Variants in SMCHD1 observed in about 807,000 individuals in gnomAD.
SMCHD1 encodes the protein structural maintenance of chromosomes flexible hinge domain-containing protein 1.
SMCHD1 carries 78 observed loss-of-function variants against 254.7 expected under a neutral mutation model. The observed-to-expected ratio is 0.31, with a 90% CI of 0.26 to 0.37. The LOEUF is 0.37. Among genes scored for constraint, SMCHD1 ranks in the 10% least tolerant of loss-of-function variants. The probability of loss-of-function intolerance (pLI) is 1.00; values close to 1 mark genes in which losing one functional copy is unlikely to be tolerated. For missense variants in SMCHD1, 1,840 were observed against 2,408.1 expected (o/e 0.76, Z 4.94); for synonymous variants, 766 against 794.9 (o/e 0.96, Z 0.61).
chr18:2,696,355 C>T (rs1457415977), intron 8 of SMCHD1, among the ~76,000 whole-genome samples: 1 of 152,228 alleles, frequency 6.6e-6, no homozygotes, highest in East Asian at 1.9e-4. Flanking sequence ...GCATTACCAC[C>T]TGGCTCCGCC....
intron 44 of SMCHD1, among the ~76,000 whole-genome samples, chr18:2,778,729 T>G (rs553751794): frequency 6.6e-6 from 1 of 152,266 alleles, no homozygotes; most frequent in Admixed American, 6.5e-5. Context: ...CTCCCTGCCT[T>G]GGAGATGAGG....
chr18:2,736,666 A>G (rs1418026133), intron 25 of SMCHD1, among the ~76,000 whole-genome samples: 6 of 147,032 alleles, frequency 4.1e-5, no homozygotes, highest in African/African-American at 7.4e-5. Context: ...TCATAATCAT[A>G]ATCATGGAGA....
intron 26 of SMCHD1, 73 bp downstream of exon 26, chr18:2,738,618 G>GT: frequency 8.0e-7 from 1 of 1,254,154 alleles, no homozygotes; most frequent in South Asian, 1.8e-5. Flanking sequence ...TATGAAAGTT[G>GT]TTTTTAATGT....
chr18:2,708,867 CATATATATATATATATAT>C (rs763226355), intron 17 of SMCHD1, among the ~76,000 whole-genome samples: 3 of 8,298 alleles, frequency 3.6e-4, no homozygotes, highest in East Asian at 0.012. Flanking sequence ...TCAATAACTT[CATATATATATATATATAT>C]ATATATATAT....
intron 12 of SMCHD1, among the ~76,000 whole-genome samples, chr18:2,701,746 G>C (rs1276161820): frequency 6.6e-6 from 1 of 152,094 alleles, no homozygotes; most frequent in East Asian, 1.9e-4. Context: ...TAGTATACTA[G>C]TGTACTTGTA....
At chr18:2,662,048 A>G (rs935621417) in intron 1 of SMCHD1, among the ~76,000 whole-genome samples, 8 of 141,806 alleles carry the variant, frequency 5.6e-5, no homozygotes, top group African/African-American at 2.4e-4. Context: ...AGTCCCAGCT[A>G]CTCGGGAGGC....
In SMCHD1 at chr18:2,675,728, G is replaced by C. The variant is rs984641086; in HGVS notation, c.638+1583G>C. 5.3e-5 allele frequency among the ~76,000 whole-genome samples: 8 copies of C among 152,294 alleles called. No individual in the cohort carries two copies. The South Asian group carries it at 1.7e-3, about 32-fold the overall frequency. ...GGTGGAAGGGAAGGTAGAACAGATG[G>C]TAGATTAGGCAAAATGGTCAGAAAA... On this transcript the variant is annotated intron_variant, in intron 5 of 47. Coordinates refer to ENST00000320876, the MANE Select transcript of SMCHD1 (RefSeq NM_015295.3).
In SMCHD1 at chr18:2,794,793, T is replaced by A. The variant is rs145127011; in HGVS notation, c.5720-1156T>A. 2.0e-3 allele frequency among the ~76,000 whole-genome samples: 311 copies of A among 152,344 alleles called. 1 individual carries two copies. The highest frequency in any genetic ancestry group is 7.0e-3 in the African/African-American group (289 of 41,578). On this transcript the variant is annotated intron_variant, in intron 45 of 47. Transcript: ENST00000320876. ...CCCAAACCTACAGATTAAACATTGT[T>A]AATAATTTATTGTATCACCTTCCAG...
At chr18:2,747,752 C>A in intron 30 of SMCHD1, 105 bp downstream of exon 30, 1 of 991,874 alleles carries the variant, frequency 1.0e-6, no homozygotes, top group African/African-American at 1.6e-5. Context: ...ATATATTTTA[C>A]ATAATCTTTA....
At chr18:2,683,322 T>C (rs1013791226) in intron 5 of SMCHD1, among the ~76,000 whole-genome samples, 3 of 152,210 alleles carry the variant, frequency 2.0e-5, no homozygotes, top group African/African-American at 7.2e-5. Flanking sequence ...TTTGTTACAC[T>C]GTATTTTCTG....
At chr18:2,734,265 T>A (rs931857582) in intron 25 of SMCHD1, among the ~76,000 whole-genome samples, 3 of 152,176 alleles carry the variant, frequency 2.0e-5, no homozygotes, top group Non-Finnish European at 4.4e-5. Context: ...GCCAGGGATG[T>A]GGCTTCTGAA....
Position 2,767,763 on chromosome 18 carries a change from G to GT in SMCHD1, c.4720-1925dup, listed in dbSNP as rs558475459. Among the ~76,000 whole-genome samples the GT allele has an allele frequency of 5.0e-3, 749 of 151,076 alleles. 4 individuals carry two copies. Among genetic ancestry groups the GT allele is most frequent in the Non-Finnish European group, 8.2e-3 (555 of 67,650 alleles). On this transcript the variant is annotated intron_variant, in intron 37 of 47. Transcript: ENST00000320876. The stretch of plus-strand genomic sequence containing the variant: ...TGCCCACCACACCCAGCTGATTTTT[G>GT]TTTTTTCAGTAGAGACAGGGTTTCA...
intron 28 of SMCHD1, among the ~76,000 whole-genome samples, chr18:2,741,382 C>A (rs1431907377): frequency 6.6e-6 from 1 of 152,064 alleles, no homozygotes; most frequent in Non-Finnish European, 1.5e-5. Flanking sequence ...CAGTAGTAGT[C>A]CACAGTGGGT....
chr18:2,724,806 A>G lies in SMCHD1; in HGVS notation c.2604-93A>G, dbSNP rs554767214. ...TTAAAAAATATTTTATTAGAAAACT[A>G]GACATGCCAATGTCACATAGGAAAG... On this transcript the variant is annotated intron_variant, in intron 20 of 47. Transcript: ENST00000320876. 4 of 489,914 alleles carry G rather than the reference A, an allele frequency of 8.2e-6. No individual in the cohort carries two copies. In the East Asian group the frequency reaches 1.3e-4, roughly 16 times the overall value. 30.3% of individuals were successfully genotyped at this position (489,914 alleles called of 1,614,324 possible).
chr18:2,655,912 G>T lies in SMCHD1; in HGVS notation c.-164G>T. The T allele has an allele frequency of 2.3e-6, 1 of 427,308 alleles. No homozygotes were observed. Among genetic ancestry groups the T allele is most frequent in the Non-Finnish European group, 3.9e-6 (1 of 258,878 alleles). 26.5% of individuals were successfully genotyped at this position (427,308 alleles called of 1,614,324 possible). A position where few individuals can be genotyped will look rare whatever the true frequency, so the allele number is the denominator to read the frequency against. On this transcript the variant is annotated 5_prime_UTR_variant, in exon 1 of 48. Transcript: ENST00000320876. ...GAATCGGTTCCCGGGTGATCCTCGC[G>T]CCTGCCGCTGCTCGGCCGCCGCCGC...
Position 2,722,665 on chromosome 18 carries a change from T to C in SMCHD1, c.2603+2T>C. The C allele has an allele frequency of 6.2e-7, 1 of 1,606,598 alleles. No homozygotes were observed. The highest frequency in any genetic ancestry group is 8.5e-7 in the Non-Finnish European group (1 of 1,177,482). ...TATTCAGCCAGTTCTTGAAGCAAGGTAATTTGAAGGATCAATATGTATTTG... is the reference window on the plus strand; with the variant it reads ...TATTCAGCCAGTTCTTGAAGCAAGGCAATTTGAAGGATCAATATGTATTTG... On this transcript the variant is annotated splice_donor_variant, in intron 20 of 47. Coordinates refer to ENST00000320876, the MANE Select transcript of SMCHD1 (RefSeq NM_015295.3). LOFTEE classifies it high-confidence loss of function.
intron 1 of SMCHD1, among the ~76,000 whole-genome samples, chr18:2,662,859 TG>T (rs542057905): frequency 1.0e-3 from 154 of 152,256 alleles, no homozygotes; most frequent in Non-Finnish European, 1.7e-3. Flanking sequence ...TGGAATTGCA[TG>T]GAATATGAGT....
chr18:2,763,761 C>T lies in SMCHD1; in HGVS notation c.4691C>T (p.Pro1564Leu). The T allele has an allele frequency of 1.2e-6, 2 of 1,609,272 alleles. No homozygotes were observed. The highest frequency in any genetic ancestry group is 2.2e-5 in the East Asian group (1 of 44,610). The part of the protein sequence containing the change: ...FIGKVRTLEF[P>L]FVNGSAEIMS... Reference sequence around the variant, plus strand: ...GGGAAAGTTAGAACACTTGAATTCCCCTTCGTGAATGGTTCGGCTGAAATC... The same window carrying T: ...GGGAAAGTTAGAACACTTGAATTCCTCTTCGTGAATGGTTCGGCTGAAATC... The change falls in exon 37 of 48, where the codon CCC becomes CTC. Residue 1564 changes from proline to leucine, a missense_variant. Transcript: ENST00000320876.
chr18:2,677,035 A>G (rs150841033), intron 5 of SMCHD1, among the ~76,000 whole-genome samples: 1 of 152,284 alleles, frequency 6.6e-6, no homozygotes, highest in East Asian at 1.9e-4. Context: ...TGTTTTTCAT[A>G]ATATTTCAAT....
Sources: allele counts gnomAD v4.1 joint callset (sites outside exome capture counted in the v4.1 genomes callset), GRCh38; gene constraint gnomAD v4.1.1; transcripts MANE v1.5; gene names NCBI Gene and HGNC (gene_info 2026-07-23, HGNC 2026-07-21).